Variants in GTF2E2 observed in about 807,000 individuals in gnomAD.
GTF2E2 encodes the protein general transcription factor IIE subunit 2.
In GTF2E2, 21 loss-of-function variants were observed where a neutral mutation model predicts 40.5. The observed-to-expected ratio is 0.52, with a 90% CI of 0.37 to 0.75. The LOEUF is 0.75. GTF2E2 is among the 30% of genes least tolerant of loss of function. GTF2E2 has a pLI of 0.00. For synonymous variants in GTF2E2, 117 were observed against 121.6 expected, an observed-to-expected ratio of 0.96 and a Z score of 0.25; for missense variants, 298 against 338.4, an observed-to-expected ratio of 0.88 and a Z score of 0.94.
Position 30,633,205 on chromosome 8 carries a change from G to A in GTF2E2, c.258+1827C>T, listed in dbSNP as rs73576201. ...TATTTCAATTTATTTACATATTATT[G>A]TGGCAGAAAAGTTTGATAGATGATC... is the stretch of plus-strand genomic sequence containing the variant. On this transcript the variant is annotated intron_variant, in intron 3 of 7. Coordinates refer to ENST00000355904, the MANE Select transcript of GTF2E2 (RefSeq NM_002095.6). 9.9e-3 allele frequency among the ~76,000 whole-genome samples: 1,510 copies of A among 152,052 alleles called. 24 individuals are homozygous for A. Among genetic ancestry groups the A allele is most frequent in the African/African-American group, 0.035 (1,442 of 41,486 alleles).
intron 4 of GTF2E2, among the ~76,000 whole-genome samples, chr8:30,613,056 T>C (rs1213901482): frequency 2.0e-5 from 3 of 152,232 alleles, no homozygotes; most frequent in Non-Finnish European, 4.4e-5. Flanking sequence ...ATAAACCATT[T>C]TATCACAACT....
rs571650596 is a variant in GTF2E2 at position 30,647,545 on chromosome 8, C to T, written c.166+5888G>A. Among the ~76,000 whole-genome samples the T allele has an allele frequency of 8.7e-4, 132 of 152,322 alleles. 2 individuals are homozygous for T. In the South Asian group the frequency reaches 0.025, roughly 29 times the overall value. ...GCAGTGAGCTGAGATCATGCCATCG[C>T]ACTCCAGCCTGAACAACAAGAGTGA... On this transcript the variant is annotated intron_variant, in intron 2 of 7. Transcript: ENST00000355904.
At chr8:30,592,251 C>G (rs1026193632) in intron 6 of GTF2E2, among the ~76,000 whole-genome samples, 11 of 152,136 alleles carry the variant, frequency 7.2e-5, no homozygotes, top group African/African-American at 2.7e-4. Context: ...TGGTGACACA[C>G]ACCTGTAGTC....
chr8:30,584,109 G>T (rs2151106746), intron 6 of GTF2E2, among the ~76,000 whole-genome samples: 1 of 152,038 alleles, frequency 6.6e-6, no homozygotes, highest in East Asian at 1.9e-4. Flanking sequence ...CCCAGCCGAC[G>T]ATCAGTATTT....
intron 1 of GTF2E2, among the ~76,000 whole-genome samples, chr8:30,654,160 C>T (rs761049129): frequency 7.9e-5 from 12 of 151,100 alleles, no homozygotes; most frequent in Non-Finnish European, 1.8e-4. Context: ...CTGTGCTGTC[C>T]AATATATTAG....
intron 3 of GTF2E2, among the ~76,000 whole-genome samples, chr8:30,626,797 G>A (rs1801290078): frequency 1.3e-5 from 2 of 152,186 alleles, no homozygotes; most frequent in Non-Finnish European, 2.9e-5. Flanking sequence ...ACTTCACTAG[G>A]TTAGTAATCC....
chr8:30,621,317 A>C (rs571687100), intron 3 of GTF2E2, among the ~76,000 whole-genome samples: 7 of 152,088 alleles, frequency 4.6e-5, no homozygotes, highest in Non-Finnish European at 5.9e-5. Context: ...TGACAGAAGT[A>C]ATAATCAATG....
intron 1 of GTF2E2, chr8:30,657,677 C>A (rs1011508046): frequency 6.6e-6 from 1 of 152,224 alleles, no homozygotes; most frequent in African/African-American, 2.4e-5. Flanking sequence ...ACTCCACACA[C>A]GGTTCGCTTG....
intron 1 of GTF2E2, among the ~76,000 whole-genome samples, chr8:30,657,344 A>G (rs996979904): frequency 6.6e-6 from 1 of 152,094 alleles, no homozygotes; most frequent in Non-Finnish European, 1.5e-5. Context: ...ATCTGCCTCC[A>G]AGCCCACGAT....
At chr8:30,582,190 G>C (rs1299612789) in intron 6 of GTF2E2, among the ~76,000 whole-genome samples, 2 of 151,998 alleles carry the variant, frequency 1.3e-5, no homozygotes, top group East Asian at 1.9e-4. Context: ...TGTTTCTGGG[G>C]GGGTGGGGGG....
chr8:30,596,283 CT>C (rs1829003231), intron 6 of GTF2E2, among the ~76,000 whole-genome samples: 1 of 152,192 alleles, frequency 6.6e-6, no homozygotes, highest in Non-Finnish European at 1.5e-5. Context: ...ATTCAGACCA[CT>C]TGATATTGTC....
intron 1 of GTF2E2, chr8:30,656,872 A>T (rs1802466262): frequency 6.6e-6 from 1 of 152,030 alleles, no homozygotes; most frequent in Admixed American, 6.6e-5. Flanking sequence ...TGCTTACAGT[A>T]TTTGACCCTC....
At chr8:30,583,906 C>G (rs183750209) in intron 6 of GTF2E2, among the ~76,000 whole-genome samples, 2 of 151,782 alleles carry the variant, frequency 1.3e-5, no homozygotes, top group Non-Finnish European at 2.9e-5. Context: ...CCCGGGTTCA[C>G]GCCATTCTCC....
chr8:30,648,379 G>A (rs1383129986), intron 2 of GTF2E2, among the ~76,000 whole-genome samples: 1 of 152,222 alleles, frequency 6.6e-6, no homozygotes, highest in Non-Finnish European at 1.5e-5. Flanking sequence ...AAAAATCACA[G>A]CTGTATGAAG....
chr8:30,627,106 T>C (rs552741785), intron 3 of GTF2E2, among the ~76,000 whole-genome samples: 4 of 152,268 alleles, frequency 2.6e-5, no homozygotes, highest in Admixed American at 2.0e-4. Flanking sequence ...ATGCACAGCA[T>C]GAGAAACTGA....
At chr8:30,627,780 G>A (rs1344227779) in intron 3 of GTF2E2, among the ~76,000 whole-genome samples, 2 of 152,300 alleles carry the variant, frequency 1.3e-5, no homozygotes, top group East Asian at 1.9e-4. Context: ...TAGCAGAGGA[G>A]GTATTCTCAA....
intron 3 of GTF2E2, among the ~76,000 whole-genome samples, chr8:30,618,430 G>A (rs982059984): frequency 3.3e-5 from 5 of 152,136 alleles, no homozygotes; most frequent in Non-Finnish European, 5.9e-5. Flanking sequence ...TGACATGCAT[G>A]TAGGAATCCT....
chr8:30,581,579 C>T (rs1204802370), intron 6 of GTF2E2, among the ~76,000 whole-genome samples: 1 of 152,186 alleles, frequency 6.6e-6, no homozygotes, highest in South Asian at 2.1e-4. Flanking sequence ...AAATCTACTA[C>T]AAAGAATTCA....
chr8:30,655,428 GAATTT>G (rs1409081104), intron 1 of GTF2E2, among the ~76,000 whole-genome samples: 1 of 96,968 alleles, frequency 1.0e-5, no homozygotes, highest in East Asian at 7.9e-4. Flanking sequence ...CTATATAAAT[GAATTT>G]GACACTGTTA....
Sources: allele counts gnomAD v4.1 joint callset (sites outside exome capture counted in the v4.1 genomes callset), GRCh38; gene constraint gnomAD v4.1.1; transcripts MANE v1.5; gene names NCBI Gene and HGNC (gene_info 2026-07-23, HGNC 2026-07-21).